Variants in PDE1A observed in about 807,000 individuals in gnomAD.
PDE1A encodes dual specificity calcium/calmodulin-dependent 3',5'-cyclic nucleotide phosphodiesterase 1A.
A neutral mutation model predicts 61.7 loss-of-function variants in PDE1A; 35 were observed. The observed-to-expected ratio is 0.57, with a 90% CI of 0.43 to 0.75. PDE1A has a LOEUF of 0.75. PDE1A is among the 30% of genes least tolerant of loss of function. The pLI, the probability that PDE1A is intolerant of heterozygous loss-of-function variation, is 0.00. For missense variants in PDE1A, 597 were observed against 630.6 expected, an observed-to-expected ratio of 0.95 and a Z score of 0.57; for synonymous variants, 232 against 213.2, an observed-to-expected ratio of 1.09 and a Z score of -0.77.
chr2:182,411,877 G>C (rs148974188), intron 1 of PDE1A, among the ~76,000 whole-genome samples: 264 of 152,066 alleles, frequency 1.7e-3, no homozygotes, highest in African/African-American at 5.9e-3. Flanking sequence ...GGCCAACATA[G>C]TGAAACCCCG....
intron 2 of PDE1A, among the ~76,000 whole-genome samples, chr2:182,478,979 CTGTTG>C (rs1687541201): frequency 6.6e-6 from 1 of 151,756 alleles, no homozygotes; most frequent in Admixed American, 6.6e-5. Context: ...GACTCCTGTC[CTGTTG>C]TATTATTTTT....
intron 1 of PDE1A, among the ~76,000 whole-genome samples, chr2:182,301,185 G>A (rs998323779): frequency 1.3e-5 from 2 of 152,122 alleles, no homozygotes; most frequent in Non-Finnish European, 2.9e-5. Context: ...GTAAATGACT[G>A]AAATATCACT....
chr2:182,290,890 A>C (rs566013666), intron 1 of PDE1A, among the ~76,000 whole-genome samples: 2 of 151,728 alleles, frequency 1.3e-5, no homozygotes, highest in South Asian at 2.1e-4. Context: ...CTTTCCCCCA[A>C]ATCTGCTCTT....
At chr2:182,546,229 A>C in the PDE1A span, among the ~76,000 whole-genome samples, 1 of 152,216 alleles carries the variant, frequency 6.6e-6, no homozygotes, top group African/African-American at 2.4e-5. Flanking sequence ...AAGTGCCAAG[A>C]GTCCAGCCTG....
intron 2 of PDE1A, among the ~76,000 whole-genome samples, chr2:182,263,752 C>A (rs1408594500): frequency 6.6e-6 from 1 of 152,154 alleles, no homozygotes; most frequent in African/African-American, 2.4e-5. Context: ...AAGCTGGCAA[C>A]CCTCTTCAAA....
At chr2:182,567,984 T>C in the PDE1A span, among the ~76,000 whole-genome samples, 2 of 151,716 alleles carry the variant, frequency 1.3e-5, no homozygotes, top group South Asian at 4.1e-4. Flanking sequence ...GTAGAGACAG[T>C]GTTTCACTAT....
At chr2:182,590,713 A>G in the PDE1A span, among the ~76,000 whole-genome samples, 1 of 152,186 alleles carries the variant, frequency 6.6e-6, no homozygotes, top group Non-Finnish European at 1.5e-5. Flanking sequence ...ACTACCCCAG[A>G]TATTTTATAT....
chr2:182,165,138 T>G (rs1324602546), downstream of PDE1A, among the ~76,000 whole-genome samples: 2 of 152,118 alleles, frequency 1.3e-5, no homozygotes, highest in Non-Finnish European at 2.9e-5. Flanking sequence ...TATGGTACTG[T>G]TTCTCCCATA....
chr2:182,713,754 T>G, the PDE1A span, among the ~76,000 whole-genome samples: 1 of 152,232 alleles, frequency 6.6e-6, no homozygotes, highest in Non-Finnish European at 1.5e-5. Flanking sequence ...GCTTATGAAC[T>G]TGCTCAAGCC....
intron 1 of PDE1A, among the ~76,000 whole-genome samples, chr2:182,276,649 C>T (rs890937904): frequency 1.2e-4 from 18 of 152,026 alleles, no homozygotes; most frequent in African/African-American, 4.3e-4. Context: ...TTTTAGGGAA[C>T]AAGGGAAGAC....
the PDE1A span, among the ~76,000 whole-genome samples, chr2:182,605,820 G>A: frequency 2.6e-5 from 4 of 152,114 alleles, no homozygotes; most frequent in African/African-American, 4.8e-5. Context: ...GAGTAGCTTC[G>A]AACTAAATGT....
intron 4 of PDE1A, among the ~76,000 whole-genome samples, chr2:182,231,960 G>A (rs192258929): frequency 3.6e-3 from 544 of 152,100 alleles, no homozygotes; most frequent in Non-Finnish European, 5.1e-3. Flanking sequence ...ATATCATAGC[G>A]AGATAGAGTA....
upstream of PDE1A, among the ~76,000 whole-genome samples, chr2:182,429,545 C>T (rs2125626734): frequency 6.6e-6 from 1 of 152,178 alleles, no homozygotes; most frequent in Middle Eastern, 3.4e-3. Context: ...CACGTTCACA[C>T]ACATACCCTA....
At chr2:182,197,379 G>A (rs997264785) in intron 10 of PDE1A, among the ~76,000 whole-genome samples, 1 of 151,270 alleles carries the variant, frequency 6.6e-6, no homozygotes, top group Non-Finnish European at 1.5e-5. Context: ...AGTGCCTTTG[G>A]AAGATCAGAA....
intron 2 of PDE1A, among the ~76,000 whole-genome samples, chr2:182,242,916 C>CG (rs1559242667): frequency 3.4e-4 from 18 of 53,098 alleles, no homozygotes; most frequent in African/African-American, 1.3e-3. Flanking sequence ...CTCTCTCTCT[C>CG]TCTCTCTCTC....
chr2:182,217,744 G>A (rs1165007321), intron 7 of PDE1A, among the ~76,000 whole-genome samples: 15 of 141,588 alleles, frequency 1.1e-4, no homozygotes, highest in Admixed American at 5.6e-4. Context: ...AGTTAGAATG[G>A]CGATCATTAA....
At chr2:182,508,155 T>G (rs559628482) in intron 2 of PDE1A, among the ~76,000 whole-genome samples, 2 of 151,746 alleles carry the variant, frequency 1.3e-5, no homozygotes, top group Admixed American at 1.3e-4. Flanking sequence ...TCTCAATAGA[T>G]TCAAAAAAAT....
the PDE1A span, among the ~76,000 whole-genome samples, chr2:182,675,020 A>T: frequency 1.3e-5 from 2 of 152,240 alleles, no homozygotes; most frequent in East Asian, 3.9e-4. Context: ...AACTTGTGTC[A>T]TGGGTGTTTG....
At chr2:182,500,757 T>A (rs1689038374) in intron 2 of PDE1A, among the ~76,000 whole-genome samples, 1 of 152,162 alleles carries the variant, frequency 6.6e-6, no homozygotes, top group Non-Finnish European at 1.5e-5. Context: ...AGATGTAAAA[T>A]CTATCCAGTG....
Sources: allele counts gnomAD v4.1 joint callset (sites outside exome capture counted in the v4.1 genomes callset), GRCh38; gene constraint gnomAD v4.1.1; transcripts MANE v1.5; gene names NCBI Gene and HGNC (gene_info 2026-07-23, HGNC 2026-07-21).